Variants in CHST10 observed in about 807,000 individuals in gnomAD.
CHST10 encodes the protein HNK-1 sulfotransferase.
CHST10 carries 24 observed loss-of-function variants against 34.7 expected under a neutral mutation model. That is an observed-to-expected ratio of 0.69 (90% CI 0.50 to 0.97). The LOEUF is 0.97. Ranked by LOEUF, CHST10 falls within the 50% of genes least tolerant of loss-of-function variation. The probability of loss-of-function intolerance (pLI) is 0.00; values close to 1 mark genes in which losing one functional copy is unlikely to be tolerated. For missense variants in CHST10, 402 were observed against 452.1 expected (o/e 0.89, Z 1.00); for synonymous variants, 161 against 169.3 (o/e 0.95, Z 0.38).
chr2:100,404,816 C>T (rs944800674), intron 3 of CHST10, among the ~76,000 whole-genome samples: 1 of 152,176 alleles, frequency 6.6e-6, no homozygotes, highest in Non-Finnish European at 1.5e-5. Flanking sequence ...CAAAATAAAC[C>T]ATAAACAATT....
chr2:100,416,909 C>T, intron 1 of CHST10: 1 of 1,243,856 alleles, frequency 8.0e-7, no homozygotes, highest in Non-Finnish European at 1.1e-6. Flanking sequence ...GGCCTCCTGA[C>T]AGCGAAGATC....
chr2:100,393,686 C>A lies in CHST10; in HGVS notation c.630G>T (p.Glu210Asp). The A allele has an allele frequency of 6.2e-7, 1 of 1,614,120 alleles. No individual in the cohort carries two copies. Among genetic ancestry groups the A allele is most frequent in the Non-Finnish European group, 8.5e-7 (1 of 1,180,034 alleles). The change falls in exon 7 of 7, where the codon GAG becomes GAT. Residue 210 changes from glutamate (E) to aspartate (D), a missense_variant. Physicochemically the swap from Glu to Asp is conservative, Grantham distance 45. Coordinates refer to ENST00000264249, the MANE Select transcript of CHST10 (RefSeq NM_004854.5). Reference protein sequence around the residue: ...KDKFVHNPRFEPWYRHEIAPG... With the variant: ...KDKFVHNPRFDPWYRHEIAPG... ...GAGCAATCTCATGCCTGTACCAAGG[C>A]TCAAACCGGGGATTGTGAACAAATT...
intron 6 of CHST10, among the ~76,000 whole-genome samples, chr2:100,394,395 G>A (rs1308617008): frequency 6.6e-6 from 1 of 152,112 alleles, no homozygotes; most frequent in African/African-American, 2.4e-5. Context: ...CACAGAACAC[G>A]GTGTGATTAC....
At chr2:100,396,202 T>C (rs573820991) in intron 5 of CHST10, among the ~76,000 whole-genome samples, 3 of 152,090 alleles carry the variant, frequency 2.0e-5, no homozygotes, top group Admixed American at 6.5e-5. Flanking sequence ...GACTAAGCTA[T>C]GGGAGCTGTG....
chr2:100,399,196 C>T (rs1000319208), intron 4 of CHST10, among the ~76,000 whole-genome samples: 16 of 152,046 alleles, frequency 1.1e-4, no homozygotes, highest in Non-Finnish European at 2.1e-4. Context: ...CTCCGCCTCC[C>T]GGGTTCCCGC....
chr2:100,412,786 T>C (rs1424786197), intron 2 of CHST10, among the ~76,000 whole-genome samples: 1 of 152,310 alleles, frequency 6.6e-6, no homozygotes, highest in Non-Finnish European at 1.5e-5. Context: ...GTGTTCCAAA[T>C]ACACAGCTAA....
At chr2:100,405,663 A>G (rs111584284) in intron 3 of CHST10, among the ~76,000 whole-genome samples, 2,647 of 152,316 alleles carry the variant, frequency 0.017, 88 homozygotes, top group African/African-American at 0.06. Context: ...CACCATCGGC[A>G]GGAGGACAAA....
intron 5 of CHST10, among the ~76,000 whole-genome samples, chr2:100,396,468 C>T (rs528448888): frequency 7.9e-5 from 12 of 152,220 alleles, no homozygotes; most frequent in South Asian, 2.1e-4. Context: ...TGTGTTAATC[C>T]GGTAGGGTTA....
intron 2 of CHST10, chr2:100,408,177 A>C (rs979671597): frequency 7.9e-5 from 12 of 152,144 alleles, no homozygotes; most frequent in African/African-American, 2.9e-4. Context: ...TACTAAAAAA[A>C]AACAAAAACA....
At chr2:100,404,933 G>A (rs539724403) in intron 3 of CHST10, among the ~76,000 whole-genome samples, 2 of 152,248 alleles carry the variant, frequency 1.3e-5, no homozygotes, top group Admixed American at 1.3e-4. Flanking sequence ...TTTCTCTTCA[G>A]TTCTCCAGCT....
At chr2:100,402,738 G>T in intron 3 of CHST10, 83 bp from the exon 4 acceptor site, 4 of 1,233,332 alleles carry the variant, frequency 3.2e-6, no homozygotes. Flanking sequence ...CCCAGAAATA[G>T]AAGCTCTCAA....
chr2:100,406,465 C>T (rs1675577703), intron 3 of CHST10, 111 bp downstream of exon 3: 2 of 1,400,074 alleles, frequency 1.4e-6, no homozygotes. Context: ...TCCCTGCTGG[C>T]ATGAAAGTCC....
intron 6 of CHST10, 26 bp downstream of exon 6, chr2:100,395,483 C>A (rs563296700): frequency 5.1e-5 from 82 of 1,593,950 alleles, no homozygotes; most frequent in Non-Finnish European, 6.5e-5. Context: ...AAACTCCCCC[C>A]TCCCCTTTGA....
At chr2:100,402,713 G>A in intron 3 of CHST10, 58 bp from the exon 4 acceptor site, 1 of 1,442,336 alleles carries the variant, frequency 6.9e-7, no homozygotes, top group Non-Finnish European at 9.7e-7. Context: ...CAGGTGGATG[G>A]GACAGAACAG....
intron 2 of CHST10, among the ~76,000 whole-genome samples, chr2:100,408,861 T>A (rs759552367): frequency 6.6e-6 from 1 of 150,672 alleles, no homozygotes; most frequent in Non-Finnish European, 1.5e-5. Context: ...CCCTGAAAAA[T>A]GCCAGCTGCA....
At chr2:100,416,524 C>A (rs1676075189) in intron 1 of CHST10, 1 of 159,918 alleles carries the variant, frequency 6.3e-6, no homozygotes, top group South Asian at 1.8e-4. Context: ...TTAACCCAGT[C>A]ACTGAAAAGA....
In CHST10 at chr2:100,392,490, G is replaced by A. The variant is rs779060581; in HGVS notation, c.*755C>T. 10 of 152,270 alleles carry A rather than the reference G, an allele frequency of 6.6e-5. No individual in the cohort carries two copies. The highest frequency in any genetic ancestry group is 4.6e-4 in the Admixed American group (7 of 15,260). The allele number at this position is 152,270 out of a possible 1,614,324, so 9.4% of individuals were successfully genotyped here. ...CCCTCAAAGACACTCCCCTTCTCAG[G>A]TAGAAAAAGCCTCCCCTCCCCTCAC... On this transcript the variant is annotated 3_prime_UTR_variant, in exon 7 of 7. Transcript: ENST00000264249.
chr2:100,417,182 T>C (rs1461971909), intron 1 of CHST10, 192 bp downstream of exon 1: 2 of 635,056 alleles, frequency 3.1e-6, no homozygotes, highest in Non-Finnish European at 5.0e-6. Context: ...CGCCTTCTTA[T>C]TGCATAATTA....
At chr2:100,412,181 T>C (rs983527029) in intron 2 of CHST10, among the ~76,000 whole-genome samples, 4 of 152,170 alleles carry the variant, frequency 2.6e-5, no homozygotes, top group African/African-American at 9.7e-5. Context: ...CTCAAGGTCA[T>C]TTTCATTCAT....
Sources: gnomAD v4.1 joint callset for allele counts (sites outside exome capture counted in the v4.1 genomes callset) on GRCh38, gnomAD v4.1.1 for gene constraint, MANE v1.5 for transcripts, NCBI Gene and HGNC (gene_info 2026-07-23, HGNC 2026-07-21) for gene names.